The following NELL1 variants were observed in gnomAD, a reference collection of about 807,000 sequenced individuals.
The protein encoded by NELL1 is protein kinase C-binding protein NELL1.
A neutral mutation model predicts 107.4 loss-of-function variants in NELL1; 76 were observed. The observed-to-expected ratio is 0.71, with a 90% CI of 0.59 to 0.86. NELL1 has a LOEUF of 0.86. Among genes scored for constraint, NELL1 ranks in the 40% least tolerant of loss-of-function variants. The pLI is 0.00. For missense variants in NELL1, 1,024 were observed against 1,005.5 expected, an observed-to-expected ratio of 1.02 and a Z score of -0.25; for synonymous variants, 353 against 341.2, an observed-to-expected ratio of 1.03 and a Z score of -0.38.
At chr11:21,277,241 T>C (rs1370080733) in intron 14 of NELL1, among the ~76,000 whole-genome samples, 2 of 152,100 alleles carry the variant, frequency 1.3e-5, no homozygotes, top group Non-Finnish European at 2.9e-5. Context: ...GGGTGAAGGA[T>C]ATGAACAGAC....
At chr11:20,927,522 T>C in intron 8 of NELL1, 80 bp downstream of exon 8, 1 of 1,322,568 alleles carries the variant, frequency 7.6e-7, no homozygotes, top group Non-Finnish European at 1.0e-6. Flanking sequence ...CCTGGTTCTT[T>C]AATAAATAAT....
chr11:21,039,680 A>G (rs1344476257), intron 12 of NELL1, among the ~76,000 whole-genome samples: 4 of 152,202 alleles, frequency 2.6e-5, no homozygotes, highest in African/African-American at 4.8e-5. Flanking sequence ...TTTTCATTGT[A>G]TAAAACAAAA....
chr11:21,313,144 G>T (rs1462495994), intron 14 of NELL1, among the ~76,000 whole-genome samples: 2 of 152,056 alleles, frequency 1.3e-5, no homozygotes, highest in African/African-American at 4.8e-5. Flanking sequence ...ATTTATAAAG[G>T]TGAATGAGGC....
intron 2 of NELL1, among the ~76,000 whole-genome samples, chr11:20,777,572 A>T (rs1249219589): frequency 6.6e-6 from 1 of 152,202 alleles, no homozygotes; most frequent in Admixed American, 6.5e-5. Context: ...TGCCTCACTG[A>T]TGGTTGGCAG....
intron 15 of NELL1, among the ~76,000 whole-genome samples, chr11:21,464,636 A>G (rs1476937837): frequency 6.6e-6 from 1 of 152,110 alleles, no homozygotes; most frequent in African/African-American, 2.4e-5. Context: ...CACTTTATAA[A>G]AGATTATTAA....
intron 15 of NELL1, among the ~76,000 whole-genome samples, chr11:21,487,706 A>C (rs1226830444): frequency 6.6e-6 from 1 of 152,168 alleles, no homozygotes; most frequent in African/African-American, 2.4e-5. Context: ...AAATGGATTA[A>C]ATTCTGCACT....
intron 12 of NELL1, among the ~76,000 whole-genome samples, chr11:21,002,451 T>G (rs1214005641): frequency 6.6e-6 from 1 of 152,176 alleles, no homozygotes; most frequent in Non-Finnish European, 1.5e-5. Context: ...TCTTTCTGTT[T>G]GTCTGGACAG....
At chr11:21,265,891 C>T (rs1173127767) in intron 14 of NELL1, among the ~76,000 whole-genome samples, 2 of 152,014 alleles carry the variant, frequency 1.3e-5, no homozygotes, top group Admixed American at 6.6e-5. Context: ...TCAAGGCCCT[C>T]TACCCTCTGA....
chr11:20,989,400 A>T (rs148535795), intron 12 of NELL1, among the ~76,000 whole-genome samples: 1 of 152,316 alleles, frequency 6.6e-6, no homozygotes, highest in Non-Finnish European at 1.5e-5. Context: ...AAGGGTGATC[A>T]TTACATAAAA....
At chr11:21,424,634 C>CA (rs1400317261) in intron 15 of NELL1, among the ~76,000 whole-genome samples, 1 of 151,806 alleles carries the variant, frequency 6.6e-6, no homozygotes, top group Non-Finnish European at 1.5e-5. Flanking sequence ...AACAAACAAA[C>CA]AAAAAACAGA....
At chr11:20,938,842 A>G (rs1488493583) in intron 10 of NELL1, among the ~76,000 whole-genome samples, 11 of 151,894 alleles carry the variant, frequency 7.2e-5, no homozygotes, top group Admixed American at 6.6e-4. Context: ...ACAGGTGACA[A>G]TGGACCTAGT....
At chr11:21,130,031 A>G (rs1855579221) in intron 13 of NELL1, among the ~76,000 whole-genome samples, 1 of 152,232 alleles carries the variant, frequency 6.6e-6, no homozygotes, top group African/African-American at 2.4e-5. Context: ...TAATTTCTTT[A>G]CTACCATAGG....
chr11:21,368,919 G>A (rs898747081), intron 14 of NELL1, among the ~76,000 whole-genome samples: 4 of 151,898 alleles, frequency 2.6e-5, no homozygotes, highest in South Asian at 2.1e-4. Context: ...TTTAATCATC[G>A]TACTACTCTG....
chr11:21,255,430 C>T (rs768021409), intron 14 of NELL1, among the ~76,000 whole-genome samples: 13 of 152,144 alleles, frequency 8.5e-5, no homozygotes, highest in Non-Finnish European at 1.9e-4. Flanking sequence ...AACCACTAAA[C>T]TCAGAACTTT....
intron 12 of NELL1, among the ~76,000 whole-genome samples, chr11:21,023,940 A>G (rs1433062535): frequency 6.6e-6 from 1 of 152,122 alleles, no homozygotes. Context: ...AAGACATTGC[A>G]GTGTTGCATA....
chr11:20,944,761 A>G lies in NELL1; in HGVS notation c.1072-2575A>G, dbSNP rs372289618. On this transcript the variant is annotated intron_variant, in intron 10 of 19. Coordinates refer to ENST00000357134, the MANE Select transcript of NELL1 (RefSeq NM_006157.5). The stretch of plus-strand genomic sequence containing the variant: ...ACTTATGCAATGGTAATCACAGTTC[A>G]TATTATTTTTCAAATTCATGCAAAA... Among the ~76,000 whole-genome samples the G allele has an allele frequency of 2.0e-5, 3 of 152,332 alleles. No individual in the cohort carries two copies. In the East Asian group the frequency reaches 5.8e-4, roughly 29 times the overall value.
At chr11:20,840,084 G>A (rs1848594676) in intron 3 of NELL1, among the ~76,000 whole-genome samples, 1 of 152,148 alleles carries the variant, frequency 6.6e-6, no homozygotes, top group Non-Finnish European at 1.5e-5. Flanking sequence ...TGAAAACCAT[G>A]TATTTTAAAA....
chr11:21,177,859 G>A (rs1282343127), intron 13 of NELL1, among the ~76,000 whole-genome samples: 2 of 151,658 alleles, frequency 1.3e-5, no homozygotes, highest in Non-Finnish European at 2.9e-5. Flanking sequence ...GTATTTCTCT[G>A]GTGATTCATG....
intron 13 of NELL1, among the ~76,000 whole-genome samples, chr11:21,146,812 G>GT (rs930358539): frequency 9.5e-5 from 11 of 116,362 alleles, no homozygotes; most frequent in Non-Finnish European, 1.6e-4. Flanking sequence ...GCAGGCCAAG[G>GT]TGGGGGGGAT....
Sources: gnomAD v4.1 joint callset for allele counts (sites outside exome capture counted in the v4.1 genomes callset) on GRCh38, gnomAD v4.1.1 for gene constraint, MANE v1.5 for transcripts, NCBI Gene and HGNC (gene_info 2026-07-23, HGNC 2026-07-21) for gene names.